GRK4: variants seen among roughly 807,000 people sequenced by gnomAD.
The protein encoded by GRK4 is G protein-coupled receptor kinase 4.
GRK4 carries 73 observed loss-of-function variants against 77.9 expected under a neutral mutation model. The ratio of observed to expected loss-of-function variants is 0.94; its 90% CI spans 0.78 to 1.14. The LOEUF is 1.14. Among genes scored for constraint, GRK4 ranks in the 50% most tolerant of loss-of-function variants. The pLI is 0.00. For missense variants in GRK4, 729 were observed against 700.2 expected, an observed-to-expected ratio of 1.04 and a Z score of -0.46; for synonymous variants, 257 against 254.4, an observed-to-expected ratio of 1.01 and a Z score of -0.10.
rs1187584576 is a variant in GRK4, at chr4:3,013,889, G to A, written c.741+61G>A. On this transcript the variant is annotated intron_variant, in intron 8 of 15. Coordinates refer to ENST00000398052, the MANE Select transcript of GRK4 (RefSeq NM_182982.3). ...TTGATTCATAGCACTTTTGTCAGCC[G>A]ACATGCCGCTCAGCTCACGCTCACT... 6.7e-6 allele frequency: 10 copies of A among 1,502,392 alleles called. No homozygotes were observed. In the East Asian group the frequency reaches 1.2e-4, roughly 17 times the overall value. 93.1% of individuals were successfully genotyped at this position (1,502,392 alleles called of 1,614,324 possible).
chr4:2,976,631 CTTTTTTTT>C (rs769469513), intron 1 of GRK4, among the ~76,000 whole-genome samples: 1 of 117,352 alleles, frequency 8.5e-6, no homozygotes, highest in East Asian at 2.4e-4. Context: ...TTCTTTCTTT[CTTTTTTTT>C]TTTTTTTTTT....
At chr4:3,035,891 G>C (rs949253676) in intron 13 of GRK4, among the ~76,000 whole-genome samples, 4 of 152,148 alleles carry the variant, frequency 2.6e-5, no homozygotes, top group African/African-American at 9.7e-5. Flanking sequence ...ACAGACCTCA[G>C]CGGTGCTCTA....
chr4:2,979,276 C>T (rs187519058), intron 1 of GRK4, among the ~76,000 whole-genome samples: 13 of 151,060 alleles, frequency 8.6e-5, no homozygotes, highest in African/African-American at 2.4e-4. Context: ...TGGTGGCAGG[C>T]GCCTGCAATC....
chr4:3,036,112 C>T (rs751732595), intron 13 of GRK4, among the ~76,000 whole-genome samples: 9 of 152,262 alleles, frequency 5.9e-5, no homozygotes, highest in Admixed American at 6.5e-5. Flanking sequence ...TGAGCCACTA[C>T]GCCTGGCCAC....
intron 3 of GRK4, among the ~76,000 whole-genome samples, chr4:2,989,426 T>C (rs954986384): frequency 1.3e-5 from 2 of 152,168 alleles, no homozygotes; most frequent in African/African-American, 4.8e-5. Context: ...TATTTTTTAT[T>C]TTTTTGAAAT....
chr4:3,002,629 G>T (rs1470611081), intron 4 of GRK4, among the ~76,000 whole-genome samples: 1 of 152,072 alleles, frequency 6.6e-6, no homozygotes, highest in Non-Finnish European at 1.5e-5. Flanking sequence ...GCTTGAACCT[G>T]GGCGGCGGGA....
intron 1 of GRK4, 90 bp downstream of exon 1, chr4:2,964,212 C>T: frequency 9.1e-7 from 1 of 1,102,678 alleles, no homozygotes; most frequent in Non-Finnish European, 1.3e-6. Flanking sequence ...CCGACATCCC[C>T]GGAGAACCCC....
chr4:3,013,541 G>A (rs1022365162), intron 7 of GRK4, 147 bp from the exon 8 acceptor site: 8 of 878,126 alleles, frequency 9.1e-6, no homozygotes, highest in Non-Finnish European at 1.4e-5. Flanking sequence ...TCACACTGAC[G>A]AAGCTCACCT....
intron 1 of GRK4, among the ~76,000 whole-genome samples, chr4:2,978,657 A>C (rs1721899210): frequency 1.3e-5 from 2 of 152,190 alleles, no homozygotes; most frequent in African/African-American, 4.8e-5. Flanking sequence ...TCCTAAAAAA[A>C]GTCCAGGCCA....
chr4:3,028,841 G>A (rs891755841), intron 11 of GRK4, among the ~76,000 whole-genome samples: 43 of 150,366 alleles, frequency 2.9e-4, no homozygotes, highest in African/African-American at 1.1e-3. Flanking sequence ...GCACAATCTT[G>A]GCTCACTGCA....
intron 2 of GRK4, among the ~76,000 whole-genome samples, chr4:2,985,469 G>A (rs956321930): frequency 6.6e-6 from 1 of 151,910 alleles, no homozygotes; most frequent in Non-Finnish European, 1.5e-5. Context: ...TACTTAGGAG[G>A]CTGAGGCAGG....
chr4:2,992,881 G>A (rs1254047414), intron 4 of GRK4, among the ~76,000 whole-genome samples: 1 of 151,960 alleles, frequency 6.6e-6, no homozygotes, highest in Non-Finnish European at 1.5e-5. Context: ...CTACTTGGGA[G>A]GCTCAGGTGG....
chr4:3,012,757 C>A (rs1733262807), intron 7 of GRK4, among the ~76,000 whole-genome samples: 1 of 152,088 alleles, frequency 6.6e-6, no homozygotes, highest in African/African-American at 2.4e-5. Context: ...ATAAATACTA[C>A]TTTAAGAAGT....
At chr4:3,002,108 G>C (rs1161436176) in intron 4 of GRK4, among the ~76,000 whole-genome samples, 1 of 152,066 alleles carries the variant, frequency 6.6e-6, no homozygotes, top group African/African-American at 2.4e-5. Context: ...TAAAATGCTT[G>C]CATCTTTTTG....
At chr4:2,982,920 A>G (rs941842813) in intron 1 of GRK4, among the ~76,000 whole-genome samples, 1 of 152,244 alleles carries the variant, frequency 6.6e-6, no homozygotes, top group African/African-American at 2.4e-5. Context: ...TGTTTATTAA[A>G]TAAACAAATC....
intron 12 of GRK4, among the ~76,000 whole-genome samples, chr4:3,033,248 A>G (rs1739647835): frequency 1.3e-5 from 2 of 152,204 alleles, no homozygotes; most frequent in Non-Finnish European, 2.9e-5. Context: ...AGAAAAGAAA[A>G]GAAAGAAAGA....
At chr4:3,002,157 A>G (rs1408559651) in intron 4 of GRK4, among the ~76,000 whole-genome samples, 6 of 152,156 alleles carry the variant, frequency 3.9e-5, no homozygotes, top group Admixed American at 3.3e-4. Context: ...TCCTATAGAA[A>G]TACACATGTA....
chr4:2,976,683 C>T (rs531866372), intron 1 of GRK4, among the ~76,000 whole-genome samples: 1 of 148,132 alleles, frequency 6.8e-6, no homozygotes, highest in South Asian at 2.1e-4. Flanking sequence ...TCTTGTTGCC[C>T]AGGCTGGAGT....
At chr4:2,992,347 C>A in intron 4 of GRK4, 55 bp downstream of exon 4, 5 of 1,167,008 alleles carry the variant, frequency 4.3e-6, no homozygotes, top group Non-Finnish European at 6.4e-6. Context: ...GAGTGCATAG[C>A]CATTTTTACT....
Sources: gnomAD v4.1 joint callset for allele counts (sites outside exome capture counted in the v4.1 genomes callset) on GRCh38, gnomAD v4.1.1 for gene constraint, MANE v1.5 for transcripts, NCBI Gene and HGNC (gene_info 2026-07-23, HGNC 2026-07-21) for gene names.